Variants in ARHGAP18 observed in about 807,000 individuals in gnomAD.
ARHGAP18 encodes the protein Rho GTPase activating protein 18, also known as rho GTPase-activating protein 18.
ARHGAP18 carries 67 observed loss-of-function variants against 86.2 expected under a neutral mutation model. The ratio of observed to expected loss-of-function variants is 0.78; its 90% CI spans 0.64 to 0.95. The LOEUF (loss-of-function observed/expected upper bound fraction) is 0.95. Among genes scored for constraint, ARHGAP18 ranks in the 40% least tolerant of loss-of-function variants. The pLI is 0.00. For synonymous variants in ARHGAP18, 283 were observed against 280.4 expected (o/e 1.01, Z -0.09); for missense variants, 691 against 780.4 (o/e 0.89, Z 1.37).
chr6:129,653,473 G>A (rs1402631354), intron 1 of ARHGAP18, among the ~76,000 whole-genome samples: 1 of 152,132 alleles, frequency 6.6e-6, no homozygotes, highest in Admixed American at 6.5e-5. Flanking sequence ...TTATATGCAA[G>A]GTACTAAAAG....
chr6:129,596,588 T>C (rs1018350605), intron 12 of ARHGAP18, among the ~76,000 whole-genome samples: 4 of 152,192 alleles, frequency 2.6e-5, no homozygotes, highest in African/African-American at 9.7e-5. Flanking sequence ...CTTTGTATGT[T>C]TTGTCCAATA....
intron 1 of ARHGAP18, among the ~76,000 whole-genome samples, chr6:129,695,459 A>T (rs1392942024): frequency 6.6e-6 from 1 of 152,204 alleles, no homozygotes; most frequent in Non-Finnish European, 1.5e-5. Flanking sequence ...CTCTCCTGAG[A>T]TGTGTAAATA....
chr6:129,611,934 C>T (rs1319078448), intron 7 of ARHGAP18, among the ~76,000 whole-genome samples: 1 of 152,194 alleles, frequency 6.6e-6, no homozygotes, highest in African/African-American at 2.4e-5. Context: ...TTCTGCTTTT[C>T]CAGAAACCTA....
At chr6:129,697,380 TCTC>T (rs1227776746) in intron 1 of ARHGAP18, among the ~76,000 whole-genome samples, 2 of 151,982 alleles carry the variant, frequency 1.3e-5, no homozygotes, top group African/African-American at 4.8e-5. Flanking sequence ...ACCACCACCT[TCTC>T]CTTCAGGATA....
chr6:129,586,675 A>C (rs1788400633), intron 12 of ARHGAP18, among the ~76,000 whole-genome samples: 1 of 152,218 alleles, frequency 6.6e-6, no homozygotes, highest in South Asian at 2.1e-4. Context: ...GAAAGTCCAT[A>C]ATAAATGAGT....
At chr6:129,589,586 T>C (rs1260982569) in intron 12 of ARHGAP18, among the ~76,000 whole-genome samples, 2 of 152,204 alleles carry the variant, frequency 1.3e-5, no homozygotes, top group Non-Finnish European at 2.9e-5. Flanking sequence ...CTCTTTCACA[T>C]TTTCTTATCT....
In ARHGAP18 at chr6:129,641,941, G is replaced by A. The variant is rs1272980209; in HGVS notation, c.191C>T (p.Ser64Leu). The A allele has an allele frequency of 2.5e-6, 4 of 1,613,824 alleles. No homozygotes were observed. The highest frequency in any genetic ancestry group is 2.7e-5 in the African/African-American group (2 of 74,890). ...KVMEKPPFDR[S>L]ISQDSLDELS... ...TTCATCCAAAGAATCCTGGGAAATT[G>A]ATCGATCAAATGGAGGCTTCTCCAT... Residue 64 changes from serine (S) to leucine (L), a missense_variant, in exon 2 of 15, where the codon TCA becomes TTA. Ser to Leu is a moderately radical substitution (Grantham distance 145). Transcript: ENST00000368149.
At chr6:129,605,330 C>T (rs976325691) in intron 10 of ARHGAP18, among the ~76,000 whole-genome samples, 12 of 151,948 alleles carry the variant, frequency 7.9e-5, no homozygotes, top group Admixed American at 3.3e-4. Flanking sequence ...TCAGAAACTC[C>T]GGATGAACCC....
At chr6:129,690,649 G>T (rs935429543) in intron 1 of ARHGAP18, among the ~76,000 whole-genome samples, 3 of 151,980 alleles carry the variant, frequency 2.0e-5, no homozygotes, top group African/African-American at 7.3e-5. Context: ...AGGATTAGAG[G>T]ATACATATCA....
At chr6:129,655,435 G>C (rs1264392062) in intron 1 of ARHGAP18, among the ~76,000 whole-genome samples, 4 of 151,946 alleles carry the variant, frequency 2.6e-5, no homozygotes, top group Non-Finnish European at 5.9e-5. Context: ...TATCCTCCAG[G>C]GCAGAAGTCA....
chr6:129,686,318 G>A (rs182925670), intron 1 of ARHGAP18, among the ~76,000 whole-genome samples: 4 of 152,212 alleles, frequency 2.6e-5, no homozygotes, highest in African/African-American at 9.6e-5. Flanking sequence ...CTACAGGCTG[G>A]GCTGCTCATC....
At chr6:129,663,321 A>G (rs908554105) in intron 1 of ARHGAP18, among the ~76,000 whole-genome samples, 7 of 152,250 alleles carry the variant, frequency 4.6e-5, no homozygotes, top group Admixed American at 1.3e-4. Context: ...GCTCAAAGAC[A>G]TATGTGATAG....
rs77739122 is a variant in ARHGAP18, at chr6:129,585,756, A to T, written c.1714-1644T>A. On this transcript the variant is annotated intron_variant, in intron 12 of 14. Transcript: ENST00000368149. Reference sequence around the variant, plus strand: ...TTGCTGGGCTAACCTTGGTCATAGCATCCTCCTCTACCTTCTGTTGCAGGA... The same window carrying T: ...TTGCTGGGCTAACCTTGGTCATAGCTTCCTCCTCTACCTTCTGTTGCAGGA... Among the ~76,000 whole-genome samples, 418 of 152,324 alleles carry T rather than the reference A, an allele frequency of 2.7e-3. 2 individuals are homozygous for T. The highest frequency in any genetic ancestry group is 0.014 in the Middle Eastern group (4 of 294).
intron 1 of ARHGAP18, among the ~76,000 whole-genome samples, chr6:129,689,541 C>T (rs560669597): frequency 1.3e-5 from 2 of 152,262 alleles, no homozygotes; most frequent in South Asian, 4.1e-4. Flanking sequence ...GATCTGCCCA[C>T]CTCAGCCTCC....
chr6:129,634,726 A>C (rs1346511128), intron 3 of ARHGAP18, among the ~76,000 whole-genome samples: 2 of 152,202 alleles, frequency 1.3e-5, no homozygotes, highest in African/African-American at 4.8e-5. Context: ...AAAATGTGCT[A>C]AAACTGATTG....
chr6:129,703,162 G>C (rs984133786), intron 1 of ARHGAP18, among the ~76,000 whole-genome samples: 1 of 152,202 alleles, frequency 6.6e-6, no homozygotes, highest in Non-Finnish European at 1.5e-5. Flanking sequence ...TTGTGAGACA[G>C]ATGTTTACAG....
intron 1 of ARHGAP18, among the ~76,000 whole-genome samples, chr6:129,696,906 C>A (rs1774626107): frequency 6.6e-6 from 1 of 152,176 alleles, no homozygotes; most frequent in African/African-American, 2.4e-5. Flanking sequence ...TCAACTCCTT[C>A]CCCTCCCTCT....
chr6:129,628,842 A>G (rs1773105478), intron 5 of ARHGAP18, among the ~76,000 whole-genome samples: 1 of 152,182 alleles, frequency 6.6e-6, no homozygotes, highest in South Asian at 2.1e-4. Context: ...GAGAAGCTAT[A>G]AAGAACAATA....
In ARHGAP18 at chr6:129,660,864, TGAAA is replaced by T. The variant is rs141079530; in HGVS notation, c.114-18850_114-18847del. Among the ~76,000 whole-genome samples, 26 of 152,066 alleles carry T rather than the reference TGAAA, an allele frequency of 1.7e-4. 1 individual carries two copies. In the East Asian group the frequency reaches 5.0e-3, roughly 29 times the overall value. On this transcript the variant is annotated intron_variant, in intron 1 of 14. Coordinates refer to ENST00000368149, the MANE Select transcript of ARHGAP18 (RefSeq NM_033515.3). ...GAGCTCAACGAAAACAAATTTAGGA[TGAAA>T]GAATCTGTGTGTGGTGTGAGGGAGT...
Sources: gnomAD v4.1 joint callset for allele counts (sites outside exome capture counted in the v4.1 genomes callset) on GRCh38, gnomAD v4.1.1 for gene constraint, MANE v1.5 for transcripts, NCBI Gene and HGNC (gene_info 2026-07-23, HGNC 2026-07-21) for gene names.